Variants in SSPN observed in about 807,000 individuals in gnomAD.
SSPN encodes sarcospan, also known as K-ras oncogene-associated protein.
SSPN carries 15 observed loss-of-function variants against 19.1 expected under a neutral mutation model. That is an observed-to-expected ratio of 0.78 (90% CI 0.52 to 1.21). The LOEUF (loss-of-function observed/expected upper bound fraction) is 1.21, where lower values mean the gene tolerates loss of function less well. Among genes scored for constraint, SSPN ranks in the 50% most tolerant of loss-of-function variants. The pLI, the probability that SSPN is intolerant of heterozygous loss-of-function variation, is 0.00. For missense variants in SSPN, 291 were observed against 314.0 expected (o/e 0.93, Z 0.55); for synonymous variants, 147 against 140.3 (o/e 1.05, Z -0.34).
At chr12:26,135,320 A>G (rs1331690391) in intron 1 of SSPN, among the ~76,000 whole-genome samples, 1 of 152,168 alleles carries the variant, frequency 6.6e-6, no homozygotes, top group Admixed American at 6.5e-5. Flanking sequence ...GCAGAAAGAA[A>G]CAAGCACTGT....
chr12:26,165,227 A>C (rs1944613216), intron 1 of SSPN, among the ~76,000 whole-genome samples: 1 of 152,228 alleles, frequency 6.6e-6, no homozygotes, highest in South Asian at 2.1e-4. Context: ...AGCCACATGC[A>C]AGGCTCGGGT....
intron 1 of SSPN, among the ~76,000 whole-genome samples, chr12:26,220,706 A>C (rs1211384787): frequency 6.6e-6 from 1 of 152,180 alleles, no homozygotes; most frequent in African/African-American, 2.4e-5. Flanking sequence ...ACGTGGGATC[A>C]TCATTCCCCA....
At chr12:26,125,224 G>T (rs1944354045) in intron 1 of SSPN, 1 of 251,870 alleles carries the variant, frequency 4.0e-6, no homozygotes, top group South Asian at 4.8e-5. Flanking sequence ...CCACCGGAAA[G>T]GAAAAACAAC....
intron 1 of SSPN, among the ~76,000 whole-genome samples, chr12:26,144,760 T>C (rs1944480042): frequency 6.6e-6 from 1 of 152,192 alleles, no homozygotes; most frequent in African/African-American, 2.4e-5. Context: ...GTTGAAAGAA[T>C]AGATGGTTTT....
intron 1 of SSPN, among the ~76,000 whole-genome samples, chr12:26,138,742 C>T (rs1944442829): frequency 6.6e-6 from 1 of 151,692 alleles, no homozygotes; most frequent in African/African-American, 2.4e-5. Flanking sequence ...TTTTTTTAAC[C>T]TGTTCTTTTT....
Position 26,231,127 on chromosome 12 carries a change from TAA to T in SSPN, c.*53_*54del, listed in dbSNP as rs761140832. On this transcript the variant is annotated 3_prime_UTR_variant, in exon 3 of 3. Transcript: ENST00000242729. Reference sequence around the variant, plus strand: ...AAGTAGCACATGGAGTAGCTGAGGTTAAACAAACAAAAAAAAATTTTAAACAA... The same window carrying T: ...AAGTAGCACATGGAGTAGCTGAGGTTACAAACAAAAAAAAATTTTAAACAA... 4.7e-6 allele frequency: 7 copies of T among 1,492,588 alleles called. No homozygotes were observed. The highest frequency in any genetic ancestry group is 6.2e-6 in the Non-Finnish European group (7 of 1,121,336). The allele number at this position is 1,492,588 out of a possible 1,614,324, so 92.5% of individuals were successfully genotyped here. A position where few individuals can be genotyped will look rare whatever the true frequency, so the allele number is the denominator to read the frequency against.
intron 1 of SSPN, among the ~76,000 whole-genome samples, chr12:26,176,632 A>AGTTTAAGTGGAG (rs1944685609): frequency 6.6e-6 from 1 of 152,210 alleles, no homozygotes; most frequent in East Asian, 1.9e-4. Flanking sequence ...AAGTGCTTGC[A>AGTTTAAGTGGAG]CCAATTAAAA....
chr12:26,185,240 A>G (rs1944745402), intron 1 of SSPN, among the ~76,000 whole-genome samples: 1 of 152,242 alleles, frequency 6.6e-6, no homozygotes, highest in African/African-American at 2.4e-5. Context: ...TGAGTGCCTA[A>G]TATTGCCAAG....
chr12:26,125,018 C>G (rs370990602), intron 1 of SSPN: 3 of 611,348 alleles, frequency 4.9e-6, no homozygotes, highest in African/African-American at 1.8e-5. Flanking sequence ...GTAGTTTGCT[C>G]TCACTCCAGG....
intron 1 of SSPN, among the ~76,000 whole-genome samples, chr12:26,171,672 A>G (rs1488314726): frequency 3.3e-5 from 5 of 151,942 alleles, no homozygotes; most frequent in Non-Finnish European, 7.4e-5. Context: ...CAAAGTATTT[A>G]TGTGGGTTTA....
intron 1 of SSPN, among the ~76,000 whole-genome samples, chr12:26,171,267 T>G (rs1944651958): frequency 6.6e-6 from 1 of 152,236 alleles, no homozygotes; most frequent in Non-Finnish European, 1.5e-5. Context: ...TTTTTGAATT[T>G]GCCATTGTAA....
chr12:26,164,074 G>T (rs1463265652), intron 1 of SSPN, among the ~76,000 whole-genome samples: 1 of 152,220 alleles, frequency 6.6e-6, no homozygotes, highest in Admixed American at 6.5e-5. Flanking sequence ...TCAGGTCTGT[G>T]CAAAGCCCCG....
At chr12:26,127,061 C>T (rs910524973) in intron 1 of SSPN, among the ~76,000 whole-genome samples, 3 of 152,016 alleles carry the variant, frequency 2.0e-5, no homozygotes, top group East Asian at 1.9e-4. Context: ...ATGGGAATGC[C>T]GTTAGGTGAA....
At chr12:26,189,537 G>A (rs1426462450) in intron 1 of SSPN, among the ~76,000 whole-genome samples, 2 of 151,998 alleles carry the variant, frequency 1.3e-5, no homozygotes, top group Non-Finnish European at 2.9e-5. Context: ...CCCTCCTTCA[G>A]GCATCCCTAT....
chr12:26,220,232 A>C (rs1389523210), intron 1 of SSPN, among the ~76,000 whole-genome samples: 1 of 135,458 alleles, frequency 7.4e-6, no homozygotes, highest in East Asian at 2.2e-4. Flanking sequence ...TTGTTACAAC[A>C]TGCAAAGCTG....
chr12:26,205,081 G>A (rs1469262615), intron 1 of SSPN, among the ~76,000 whole-genome samples: 2 of 152,232 alleles, frequency 1.3e-5, no homozygotes, highest in African/African-American at 2.4e-5. Context: ...AAAGCAGACA[G>A]TTTGTTCACA....
chr12:26,211,870 A>T (rs1369170588), intron 1 of SSPN, among the ~76,000 whole-genome samples: 1 of 152,220 alleles, frequency 6.6e-6, no homozygotes, highest in Non-Finnish European at 1.5e-5. Flanking sequence ...GTTATCAAGT[A>T]GTTTCAAACA....
At chr12:26,220,736 T>G (rs915249070) in intron 1 of SSPN, among the ~76,000 whole-genome samples, 4 of 152,110 alleles carry the variant, frequency 2.6e-5, no homozygotes, top group South Asian at 2.1e-4. Context: ...TGCCCCTCCT[T>G]TTCTATCTTA....
At chr12:26,138,721 A>G (rs1022198908) in intron 1 of SSPN, among the ~76,000 whole-genome samples, 1 of 152,060 alleles carries the variant, frequency 6.6e-6, no homozygotes, top group African/African-American at 2.4e-5. Context: ...TATTTTTAAA[A>G]AGCCAAGACA....
Sources: gnomAD v4.1 joint callset for allele counts (sites outside exome capture counted in the v4.1 genomes callset) on GRCh38, gnomAD v4.1.1 for gene constraint, MANE v1.5 for transcripts, NCBI Gene and HGNC (gene_info 2026-07-23, HGNC 2026-07-21) for gene names.